The following PHACTR4 variants were observed in gnomAD, a reference collection of about 807,000 sequenced individuals.
PHACTR4 encodes protein phosphatase 1, regulatory subunit 124.
Under a neutral mutation model 72.7 loss-of-function variants are expected in PHACTR4, and 51 were observed. That is an observed-to-expected ratio of 0.70 (90% confidence interval 0.56 to 0.89). The LOEUF (loss-of-function observed/expected upper bound fraction) is 0.89, where lower values mean the gene tolerates loss of function less well. Among genes scored for constraint, PHACTR4 ranks in the 40% least tolerant of loss-of-function variants. The pLI is 0.00. For synonymous variants in PHACTR4, 255 were observed against 302.5 expected (o/e 0.84, Z 1.63); for missense variants, 731 against 861.8 (o/e 0.85, Z 1.90).
At chr1:28,424,701 G>T (rs1655722268) in intron 2 of PHACTR4, among the ~76,000 whole-genome samples, 1 of 151,632 alleles carries the variant, frequency 6.6e-6, no homozygotes, top group East Asian at 1.9e-4. Flanking sequence ...TGTTAGCCAG[G>T]ATGGTCTCGA....
chr1:28,401,764 A>G (rs918819501), intron 1 of PHACTR4, among the ~76,000 whole-genome samples: 9 of 151,948 alleles, frequency 5.9e-5, no homozygotes, highest in African/African-American at 2.2e-4. Context: ...ACGCTCATCT[A>G]ATTTTTAAAT....
chr1:28,463,212 A>C (rs1658932508), intron 4 of PHACTR4, among the ~76,000 whole-genome samples: 1 of 152,078 alleles, frequency 6.6e-6, no homozygotes, highest in Non-Finnish European at 1.5e-5. Flanking sequence ...TTTTTAAAAA[A>C]AGGTGGCTTT....
At chr1:28,379,595 T>TC (rs1346501047) in intron 1 of PHACTR4, among the ~76,000 whole-genome samples, 1 of 145,474 alleles carries the variant, frequency 6.9e-6, no homozygotes, top group African/African-American at 2.5e-5. Context: ...TTTCTTTTCT[T>TC]TTTTTTTTTT....
At chr1:28,373,084 A>T (rs1651365800) in intron 1 of PHACTR4, among the ~76,000 whole-genome samples, 1 of 151,858 alleles carries the variant, frequency 6.6e-6, no homozygotes, top group South Asian at 2.1e-4. Flanking sequence ...CAGCCTTCTG[A>T]GTAGCTGGGA....
chr1:28,381,624 T>C (rs977808145), intron 1 of PHACTR4, among the ~76,000 whole-genome samples: 3 of 152,108 alleles, frequency 2.0e-5, no homozygotes, highest in African/African-American at 7.2e-5. Flanking sequence ...TTTTTAATAC[T>C]AGTCATCCTG....
At chr1:28,395,126 T>C (rs1401295638) in intron 1 of PHACTR4, among the ~76,000 whole-genome samples, 1 of 152,130 alleles carries the variant, frequency 6.6e-6, no homozygotes, top group Non-Finnish European at 1.5e-5. Flanking sequence ...TTGGCCAGGC[T>C]GGTCTCAAAC....
chr1:28,474,130 T>C lies in PHACTR4; in HGVS notation c.1400T>C (p.Ile467Thr), dbSNP rs774681028. 1.9e-6 allele frequency: 3 copies of C among 1,612,636 alleles called. No homozygotes were observed. In the African/African-American group the frequency reaches 4.0e-5, roughly 22 times the overall value. The change falls in exon 7 of 14, where the codon ATC (isoleucine) becomes ACC (threonine). Residue 467 changes from isoleucine (I) to threonine (T), a missense_variant. By Grantham distance (89) the Ile-to-Thr change is moderately conservative. This residue lies in a region of PHACTR4 where 621 missense variants were observed against 676.6 expected (regional missense o/e 0.92). Transcript: ENST00000373839. ...CTGGGTCGGACCAGGTCTCTTCCCA[T>C]CACTATTGAAATGCTAAAAGTGTAA... ...STLGRTRSLP[I>T]TIEMLKVPDD... is the part of the protein sequence containing the mutation.
chr1:28,444,988 T>C (rs2124423646), intron 2 of PHACTR4, among the ~76,000 whole-genome samples: 1 of 149,428 alleles, frequency 6.7e-6, no homozygotes, highest in African/African-American at 2.5e-5. Flanking sequence ...GCAGAGTCTT[T>C]CTCTGTTGCC....
chr1:28,428,246 C>T (rs1656001158), intron 2 of PHACTR4, among the ~76,000 whole-genome samples: 1 of 152,146 alleles, frequency 6.6e-6, no homozygotes, highest in African/African-American at 2.4e-5. Flanking sequence ...TTTTCTACAT[C>T]TTCTCATCTC....
In PHACTR4 at chr1:28,423,408, CAAATAAATAAATAAAT is replaced by C. The variant is rs148724281; in HGVS notation, c.16+15966_16+15981del. ...TGGGCAACAGAGCAAGATCCTGCCT[CAAATAAATAAATAAAT>C]AAATAAATAAATAAATAAATGAGTA... On this transcript the variant is annotated intron_variant, in intron 2 of 13. Coordinates refer to ENST00000373839, the MANE Select transcript of PHACTR4 (RefSeq NM_001048183.3). 6.8e-5 allele frequency among the ~76,000 whole-genome samples: 10 copies of C among 147,686 alleles called. No homozygotes were observed. The East Asian group carries it at 7.8e-4, about 12-fold the overall frequency.
At chr1:28,457,332 C>T (rs1327824543) in intron 2 of PHACTR4, 1 of 447,840 alleles carries the variant, frequency 2.2e-6, no homozygotes, top group African/African-American at 2.0e-5. Flanking sequence ...TGGTGGTACA[C>T]ACCTTTAATC....
chr1:28,376,294 C>CA (rs1477084903), intron 1 of PHACTR4, among the ~76,000 whole-genome samples: 1 of 145,736 alleles, frequency 6.9e-6, no homozygotes, highest in African/African-American at 2.6e-5. Context: ...GCCTGGGTGA[C>CA]AGAGTGAGAC....
rs78122310 is a variant in PHACTR4, at chr1:28,436,614, C to T, written c.17-22471C>T. Among the ~76,000 whole-genome samples, 591 of 152,262 alleles carry T rather than the reference C, an allele frequency of 3.9e-3. 3 individuals are homozygous for T. The highest frequency in any genetic ancestry group is 0.013 in the African/African-American group (543 of 41,546). On this transcript the variant is annotated intron_variant, in intron 2 of 13. Transcript: ENST00000373839. The stretch of plus-strand genomic sequence containing the variant: ...TATTACTCAGAATTGTTAGCTTCCT[C>T]TTTTACCTTCAGATGTTAGTGGAAT...
intron 10 of PHACTR4, among the ~76,000 whole-genome samples, chr1:28,490,645 A>C (rs1201758616): frequency 5.3e-5 from 8 of 152,010 alleles, no homozygotes; most frequent in Admixed American, 1.3e-4. Flanking sequence ...CAGGAGTTTG[A>C]GACCAGCCTG....
At chr1:28,413,275 G>A (rs1654899610) in intron 2 of PHACTR4, among the ~76,000 whole-genome samples, 1 of 152,154 alleles carries the variant, frequency 6.6e-6, no homozygotes, top group Non-Finnish European at 1.5e-5. Flanking sequence ...GCTTTAAAAA[G>A]GATAAATAGC....
chr1:28,416,992 A>G (rs1407918949), intron 2 of PHACTR4, among the ~76,000 whole-genome samples: 1 of 151,168 alleles, frequency 6.6e-6, no homozygotes, highest in Non-Finnish European at 1.5e-5. Flanking sequence ...AATTACCTTG[A>G]CACCCTGTTG....
intron 2 of PHACTR4, among the ~76,000 whole-genome samples, chr1:28,409,762 C>T (rs6670997): frequency 0.39 from 58,572 of 151,640 alleles, 13,002 homozygotes; most frequent in African/African-American, 0.6. Context: ...AGAAGACTGC[C>T]CTTTATTACT....
At chr1:28,479,619 C>T (rs900319765) in intron 8 of PHACTR4, among the ~76,000 whole-genome samples, 1 of 149,716 alleles carries the variant, frequency 6.7e-6, no homozygotes, top group South Asian at 2.1e-4. Context: ...GGCGTGGTGG[C>T]TCACGCCTAT....
At chr1:28,451,542 G>T (rs1268802714) in intron 2 of PHACTR4, among the ~76,000 whole-genome samples, 1 of 151,804 alleles carries the variant, frequency 6.6e-6, no homozygotes, top group Non-Finnish European at 1.5e-5. Flanking sequence ...GAGTAACTAG[G>T]ACAACAGGTG....
Sources: gnomAD v4.1 joint callset for allele counts (sites outside exome capture counted in the v4.1 genomes callset) on GRCh38, gnomAD v4.1.1 for gene constraint, gnomAD v4.1.1 regional missense constraint, MANE v1.5 for transcripts, NCBI Gene and HGNC (gene_info 2026-07-23, HGNC 2026-07-21) for gene names.